PCDHA10: variants seen among roughly 807,000 people sequenced by gnomAD.
PCDHA10 encodes the protein protocadherin alpha 10.
In PCDHA10, 45 loss-of-function variants were observed where a neutral mutation model predicts 61.2. The ratio of observed to expected loss-of-function variants is 0.74; its 90% CI spans 0.58 to 0.94. The LOEUF is 0.94. Among genes scored for constraint, PCDHA10 ranks in the 40% least tolerant of loss-of-function variants. PCDHA10 has a pLI of 0.00. For missense variants in PCDHA10, 1,278 were observed against 1,236.2 expected (o/e 1.03, Z -0.51); for synonymous variants, 602 against 548.8 (o/e 1.10, Z -1.35).
intron 1 of PCDHA10, chr5:140,859,600 C>T (rs1562546033): frequency 6.1e-6 from 1 of 162,864 alleles, no homozygotes; most frequent in African/African-American, 2.4e-5. Context: ...TTAGCAATTA[C>T]TTTTTTCTTT....
rs1554151408 is a variant in PCDHA10 at position 140,858,306 on chromosome 5, G to A, written c.2258G>A (p.Arg753Gln). 1.9e-6 allele frequency: 3 copies of A among 1,597,282 alleles called. No individual in the cohort carries two copies. Among genetic ancestry groups the A allele is most frequent in the South Asian group, 1.1e-5 (1 of 90,436 alleles). Residue 753 changes from arginine (R) to glutamine (Q), a missense_variant, in exon 1 of 4, where the codon CGG (arginine) becomes CAG (glutamine). Coordinates refer to ENST00000307360, the MANE Select transcript of PCDHA10 (RefSeq NM_018901.4). ...VGSWSYSQQR[R>Q]QRVCSGEGLP... is the part of the protein sequence containing the mutation. ...AGCTGGTCTTACTCGCAGCAGAGGC[G>A]GCAGAGGGTGTGTTCTGGGGAGGGC...
intron 1 of PCDHA10, among the ~76,000 whole-genome samples, chr5:140,936,113 G>A (rs1316824905): frequency 2.0e-5 from 3 of 151,964 alleles, no homozygotes; most frequent in South Asian, 2.1e-4. Context: ...GGCTGGTCTC[G>A]AACTCCTGAC....
At chr5:140,901,161 G>A (rs1554189608) in intron 1 of PCDHA10, among the ~76,000 whole-genome samples, 1 of 152,084 alleles carries the variant, frequency 6.6e-6, no homozygotes, top group African/African-American at 2.4e-5. Flanking sequence ...TCTGTGGGTT[G>A]TCTCTTCACT....
intron 3 of PCDHA10, among the ~76,000 whole-genome samples, chr5:140,999,721 G>T (rs2097872214): frequency 6.6e-6 from 1 of 152,150 alleles, no homozygotes; most frequent in South Asian, 2.1e-4. Flanking sequence ...ACGGAGACCA[G>T]CCATTCCAAT....
chr5:140,870,722 G>C (rs1554164638), intron 1 of PCDHA10: 20 of 1,613,222 alleles, frequency 1.2e-5, no homozygotes, highest in Non-Finnish European at 1.4e-5. Context: ...CGCGATGCGG[G>C]CGTGCCGCCT....
At chr5:140,882,565 C>T (rs782122682) in intron 1 of PCDHA10, 5 of 1,614,118 alleles carry the variant, frequency 3.1e-6, no homozygotes, top group Non-Finnish European at 4.2e-6. Context: ...GTGGGCGGAG[C>T]GCGGAGTGCA....
intron 1 of PCDHA10, among the ~76,000 whole-genome samples, chr5:140,973,273 C>T (rs1180418925): frequency 6.6e-6 from 1 of 152,150 alleles, no homozygotes; most frequent in Non-Finnish European, 1.5e-5. Context: ...ACTTTTATTT[C>T]CCCCAGCACT....
chr5:140,929,138 G>C (rs150967804), intron 1 of PCDHA10: 183 of 1,614,054 alleles, frequency 1.1e-4, no homozygotes, highest in Non-Finnish European at 1.5e-4. Context: ...ACAGTTGAGA[G>C]ACTTTCTCAG....
At chr5:140,968,162 C>A in intron 1 of PCDHA10, 1 of 1,614,122 alleles carries the variant, frequency 6.2e-7, no homozygotes, top group East Asian at 2.2e-5. Flanking sequence ...CAATGACAAT[C>A]CACCAAGCTT....
intron 1 of PCDHA10, among the ~76,000 whole-genome samples, chr5:140,941,263 T>TTC (rs2092992439): frequency 7.5e-6 from 1 of 133,334 alleles, no homozygotes; most frequent in Non-Finnish European, 1.6e-5. Flanking sequence ...TTCTCTTTCT[T>TTC]TCTTTCTTTC....
At chr5:140,931,508 A>G (rs1214894603) in intron 1 of PCDHA10, among the ~76,000 whole-genome samples, 8 of 152,078 alleles carry the variant, frequency 5.3e-5, no homozygotes, top group Non-Finnish European at 1.0e-4. Flanking sequence ...TTAAACATAT[A>G]TGAATGATTA....
chr5:140,933,379 G>T (rs1403607512), intron 1 of PCDHA10, among the ~76,000 whole-genome samples: 1 of 151,928 alleles, frequency 6.6e-6, no homozygotes, highest in Non-Finnish European at 1.5e-5. Flanking sequence ...TTCCTTGGCT[G>T]TTCCTAGAGC....
chr5:140,869,245 A>T (rs782617385), intron 1 of PCDHA10: 14 of 1,613,510 alleles, frequency 8.7e-6, no homozygotes, highest in Non-Finnish European at 1.2e-5. Flanking sequence ...CGTGGGCCGC[A>T]TCGCGCAGGA....
intron 1 of PCDHA10, chr5:140,927,761 G>C (rs1554205028): frequency 6.2e-7 from 1 of 1,614,102 alleles, no homozygotes. Flanking sequence ...CACCCTAAAA[G>C]TGGGGAGGTG....
At chr5:140,925,082 A>G (rs1362065754) in intron 1 of PCDHA10, among the ~76,000 whole-genome samples, 1 of 147,284 alleles carries the variant, frequency 6.8e-6, no homozygotes, top group African/African-American at 2.6e-5. Context: ...GCTCATCTGG[A>G]AAGGAAGGAA....
Position 140,857,753 on chromosome 5 carries a change from G to C in PCDHA10, c.1705G>C (p.Ala569Pro), listed in dbSNP as rs782054220. 1.3e-5 allele frequency: 20 copies of C among 1,597,296 alleles called. No individual in the cohort carries two copies. The East Asian group carries it at 4.5e-4, about 36-fold the overall frequency. The change falls in exon 1 of 4, where the codon GCT becomes CCT. Residue 569 changes from alanine (A) to proline (P), a missense_variant. Coordinates refer to ENST00000307360, the MANE Select transcript of PCDHA10 (RefSeq NM_018901.4). ...DNAPALLASPAGSAGGAVSEL... is the reference protein window; with the variant it reads ...DNAPALLASPPGSAGGAVSEL... ...CGCTCCCGCGCTGCTGGCGTCTCCC[G>C]CTGGCAGCGCGGGCGGTGCAGTCAG... is the stretch of plus-strand genomic sequence containing the variant.
chr5:140,899,531 CA>C (rs2067387177), intron 1 of PCDHA10, among the ~76,000 whole-genome samples: 1 of 152,140 alleles, frequency 6.6e-6, no homozygotes, highest in Non-Finnish European at 1.5e-5. Context: ...GGATGAAGCC[CA>C]CTTGATCATG....
chr5:140,870,317 C>G lies in PCDHA10; in HGVS notation c.2388+11881C>G, dbSNP rs782216904. On this transcript the variant is annotated intron_variant, in intron 1 of 3. Coordinates refer to ENST00000307360, the MANE Select transcript of PCDHA10 (RefSeq NM_018901.4). ...GTGTCCACCTTCAAGAATTACTACT[C>G]GTTGGTGCTGGACAGCGCCCTGGAC... 122 of 1,614,080 alleles carry G rather than the reference C, an allele frequency of 7.6e-5. No individual in the cohort carries two copies. Among genetic ancestry groups the G allele is most frequent in the Non-Finnish European group, 1.0e-4 (120 of 1,180,036 alleles).
intron 1 of PCDHA10, among the ~76,000 whole-genome samples, chr5:140,969,689 G>C (rs2096353737): frequency 6.6e-6 from 1 of 152,136 alleles, no homozygotes; most frequent in Admixed American, 6.5e-5. Context: ...AGGAGAAATG[G>C]CCTCTGCTGT....
Sources: allele counts gnomAD v4.1 joint callset (sites outside exome capture counted in the v4.1 genomes callset), GRCh38; gene constraint gnomAD v4.1.1; transcripts MANE v1.5; gene names NCBI Gene and HGNC (gene_info 2026-07-23, HGNC 2026-07-21).